PLAG1: variants seen among roughly 807,000 people sequenced by gnomAD.
PLAG1 encodes the protein zinc finger protein PLAG1.
A neutral mutation model predicts 35.5 loss-of-function variants in PLAG1; 7 were observed. That is an observed-to-expected ratio of 0.20 (90% CI 0.11 to 0.37). PLAG1 has a LOEUF of 0.37. Ranked by LOEUF, PLAG1 falls within the 10% of genes least tolerant of loss-of-function variation. The pLI is 1.00. For missense variants in PLAG1, 454 were observed against 602.8 expected, an observed-to-expected ratio of 0.75 and a Z score of 2.58; for synonymous variants, 229 against 225.4, an observed-to-expected ratio of 1.02 and a Z score of -0.14.
intron 1 of PLAG1, among the ~76,000 whole-genome samples, chr8:56,191,623 C>CT (rs949545574): frequency 2.0e-4 from 30 of 147,880 alleles, no homozygotes; most frequent in South Asian, 4.3e-4. Flanking sequence ...AATTTCAATC[C>CT]TTTTTTTTTT....
intron 1 of PLAG1, among the ~76,000 whole-genome samples, chr8:56,204,548 G>T (rs1490103040): frequency 6.6e-6 from 1 of 151,836 alleles, no homozygotes; most frequent in Non-Finnish European, 1.5e-5. Context: ...TTTGCTAATT[G>T]ATTTCTAGTT....
chr8:56,191,935 T>C (rs1411918995), intron 1 of PLAG1, among the ~76,000 whole-genome samples: 1 of 152,144 alleles, frequency 6.6e-6, no homozygotes, highest in Non-Finnish European at 1.5e-5. Flanking sequence ...TCAGTGTCAA[T>C]CTTTTAGGCA....
chr8:56,196,854 G>A (rs1423181921), intron 1 of PLAG1, among the ~76,000 whole-genome samples: 1 of 151,894 alleles, frequency 6.6e-6, no homozygotes, highest in Non-Finnish European at 1.5e-5. Context: ...ATGCGTGGGG[G>A]TGTGCATGTG....
chr8:56,173,964 C>A (rs950050583), intron 2 of PLAG1, among the ~76,000 whole-genome samples: 1 of 152,162 alleles, frequency 6.6e-6, no homozygotes, highest in Non-Finnish European at 1.5e-5. Context: ...AGCAAAAGAA[C>A]AGGCCTGTAT....
Position 56,166,341 on chromosome 8 carries a change from T to C in PLAG1, c.1405A>G (p.Thr469Ala), listed in dbSNP as rs1291884132. 1.9e-6 allele frequency: 3 copies of C among 1,613,564 alleles called. No homozygotes were observed. The highest frequency in any genetic ancestry group is 2.2e-5 in the East Asian group (1 of 44,878). ...GAGTGCAGAGACCCAAGCCCTATAG[T>C]GTTTGCAGGATCCTGAAGATCCTGT... ...QTQDLQDPANTIGLGSLHSLS... is the reference protein window; with the variant it reads ...QTQDLQDPANAIGLGSLHSLS... The change falls in exon 5 of 5, where the codon ACT (threonine) becomes GCT (alanine). Residue 469 changes from threonine to alanine, a missense_variant. This residue lies in a region of PLAG1 where 271 missense variants were observed against 315.6 expected (regional missense o/e 0.86). Transcript: ENST00000316981.
chr8:56,171,984 C>T (rs1811540556), intron 2 of PLAG1, among the ~76,000 whole-genome samples: 1 of 152,022 alleles, frequency 6.6e-6, no homozygotes, highest in Non-Finnish European at 1.5e-5. Flanking sequence ...GAATAACGGT[C>T]AAAAGGCAGA....
chr8:56,184,828 A>C (rs1449651929), intron 1 of PLAG1, among the ~76,000 whole-genome samples: 1 of 152,074 alleles, frequency 6.6e-6, no homozygotes, highest in African/African-American at 2.4e-5. Flanking sequence ...GAGGCAAGAG[A>C]ATCACTTGAA....
At chr8:56,169,926 C>CTGG (rs1811470283) in intron 3 of PLAG1, among the ~76,000 whole-genome samples, 1 of 152,326 alleles carries the variant, frequency 6.6e-6, no homozygotes, top group East Asian at 1.9e-4. Flanking sequence ...TGTGTTTTGG[C>CTGG]ACCAGACTGA....
chr8:56,170,540 T>C (rs1436155637), intron 3 of PLAG1, among the ~76,000 whole-genome samples: 2 of 152,206 alleles, frequency 1.3e-5, no homozygotes, highest in Non-Finnish European at 2.9e-5. Flanking sequence ...TAGAACATCG[T>C]GGGAAACAAA....
intron 1 of PLAG1, among the ~76,000 whole-genome samples, chr8:56,200,072 C>T (rs143112393): frequency 2.0e-5 from 3 of 152,140 alleles, no homozygotes; most frequent in Admixed American, 1.3e-4. Context: ...ATTCTGCTCA[C>T]CCCTGACACC....
intron 1 of PLAG1, among the ~76,000 whole-genome samples, chr8:56,208,967 A>G (rs1461525703): frequency 1.3e-5 from 2 of 152,204 alleles, no homozygotes; most frequent in African/African-American, 2.4e-5. Context: ...AAACTTTTCC[A>G]TGGTGTTGGT....
chr8:56,183,857 T>G (rs1483643372), intron 1 of PLAG1, among the ~76,000 whole-genome samples: 1 of 152,096 alleles, frequency 6.6e-6, no homozygotes, highest in East Asian at 1.9e-4. Context: ...AACCTAAATA[T>G]AAAACCTAAA....
chr8:56,171,233 G>A (rs891830893), intron 2 of PLAG1, 44 bp from the exon 3 acceptor site: 9 of 347,612 alleles, frequency 2.6e-5, no homozygotes, highest in African/African-American at 1.3e-4. Context: ...AAATGGAACC[G>A]GTATGTAAAT....
At position 56,166,052 on chromosome 8, in the gene PLAG1, A is replaced by T. The variant is rs1585772918; in HGVS notation, c.*191T>A. The stretch of plus-strand genomic sequence containing the variant: ...GAATCAGGACAAAATACCCAGGTAA[A>T]CTTAACTGAACACAAATGGTTCCAA... On this transcript the variant is annotated 3_prime_UTR_variant, in exon 5 of 5. Transcript: ENST00000316981. 2.7e-6 allele frequency: 1 copy of T among 368,160 alleles called. No individual in the cohort carries two copies. Among genetic ancestry groups the T allele is most frequent in the Non-Finnish European group, 4.9e-6 (1 of 203,474 alleles). 22.8% of individuals were successfully genotyped at this position (368,160 alleles called of 1,614,324 possible).
intron 1 of PLAG1, among the ~76,000 whole-genome samples, chr8:56,192,200 C>T (rs1193086912): frequency 6.6e-6 from 1 of 152,196 alleles, no homozygotes; most frequent in Admixed American, 6.5e-5. Flanking sequence ...TAAGTCTTCC[C>T]TGGAGGTCAA....
chr8:56,170,013 A>T (rs1353891090), intron 3 of PLAG1, among the ~76,000 whole-genome samples: 2 of 152,230 alleles, frequency 1.3e-5, no homozygotes, highest in African/African-American at 4.8e-5. Context: ...ATACTTTCGC[A>T]GGAGCTCTAA....
At position 56,161,297 on chromosome 8, in the gene PLAG1, G is replaced by A. The variant is rs1811192443; in HGVS notation, c.*4946C>T. The A allele has an allele frequency of 4.8e-6, 1 of 207,194 alleles. No homozygotes were observed. Among genetic ancestry groups the A allele is most frequent in the Non-Finnish European group, 9.9e-6 (1 of 101,454 alleles). The allele number at this position is 207,194 out of a possible 1,614,324, so 12.8% of individuals were successfully genotyped here. On this transcript the variant is annotated 3_prime_UTR_variant, in exon 5 of 5. Transcript: ENST00000316981. The stretch of plus-strand genomic sequence containing the variant: ...AATGCAATAAAAATATACAAAATTC[G>A]GCCTGGAATGCAGATTTTTTTCTTT...
intron 1 of PLAG1, among the ~76,000 whole-genome samples, chr8:56,191,995 AG>A (rs1436310339): frequency 6.6e-6 from 1 of 152,224 alleles, no homozygotes; most frequent in Non-Finnish European, 1.5e-5. Context: ...AGGGAAGATT[AG>A]CAGCCCCAGG....
At chr8:56,183,118 A>AAAAC (rs934266514) in intron 1 of PLAG1, among the ~76,000 whole-genome samples, 1 of 152,208 alleles carries the variant, frequency 6.6e-6, no homozygotes, top group East Asian at 1.9e-4. Flanking sequence ...GGGTTTTACA[A>AAAAC]AAACAAACAA....
Sources: gnomAD v4.1 joint callset for allele counts (sites outside exome capture counted in the v4.1 genomes callset) on GRCh38, gnomAD v4.1.1 for gene constraint, gnomAD v4.1.1 regional missense constraint, MANE v1.5 for transcripts, NCBI Gene and HGNC (gene_info 2026-07-23, HGNC 2026-07-21) for gene names.